The following FAN1 variants were observed in gnomAD, a reference collection of about 807,000 sequenced individuals.
FAN1 encodes fanconi-associated nuclease 1.
FAN1 carries 91 observed loss-of-function variants against 104.9 expected under a neutral mutation model. The observed-to-expected ratio is 0.87, with a 90% CI of 0.73 to 1.03. The LOEUF is 1.03. Among genes scored for constraint, FAN1 ranks in the 50% least tolerant of loss-of-function variants. The probability of loss-of-function intolerance (pLI) is 0.00; values close to 1 mark genes in which losing one functional copy is unlikely to be tolerated. For missense variants in FAN1, 1,263 were observed against 1,239.9 expected, an observed-to-expected ratio of 1.02 and a Z score of -0.28; for synonymous variants, 478 against 457.6, an observed-to-expected ratio of 1.04 and a Z score of -0.57.
At chr15:30,932,300 T>C (rs2140959528) in intron 13 of FAN1, among the ~76,000 whole-genome samples, 1 of 151,810 alleles carries the variant, frequency 6.6e-6, no homozygotes, top group African/African-American at 2.4e-5. Context: ...TGAGAGGAAT[T>C]GGTATCTTAA....
chr15:30,913,360 G>T (rs1215806836), intron 4 of FAN1, among the ~76,000 whole-genome samples: 2 of 152,170 alleles, frequency 1.3e-5, no homozygotes, highest in African/African-American at 4.8e-5. Flanking sequence ...ACTCCTTGGT[G>T]CCAAAAGCGT....
At position 30,905,446 on chromosome 15, in the gene FAN1, G is replaced by C. The variant is rs142437586; in HGVS notation, c.783G>C (p.Ala261=). 1.9e-6 allele frequency: 3 copies of C among 1,613,976 alleles called. No individual in the cohort carries two copies. The highest frequency in any genetic ancestry group is 2.5e-6 in the Non-Finnish European group (3 of 1,179,920). The part of the protein sequence containing the change: ...SALTPGFSDN[A]IMLFSPDFTL... ...TCACCCCTGGATTCTCAGATAATGC[G>C]ATCATGTTATTCTCACCAGATTTCA... The change falls in exon 2 of 15, where the codon GCG becomes GCC. Residue 261 remains alanine (A), a synonymous_variant. Coordinates refer to ENST00000362065, the MANE Select transcript of FAN1 (RefSeq NM_014967.5).
intron 13 of FAN1, among the ~76,000 whole-genome samples, chr15:30,932,208 C>T (rs191726829): frequency 1.1e-3 from 124 of 113,610 alleles, no homozygotes; most frequent in Admixed American, 5.0e-3. Context: ...GGCAACAGAG[C>T]GAGACTCCAT....
Position 30,920,585 on chromosome 15 carries a change from GTTGGGTGGAT to G in FAN1, c.1987_1996del (p.Gly663IlefsTer54), listed in dbSNP as rs751551936. The G allele has an allele frequency of 5.6e-6, 9 of 1,611,868 alleles. No individual in the cohort carries two copies. The East Asian group carries it at 1.8e-4, about 32-fold the overall frequency. On this transcript the variant is annotated frameshift_variant, in exon 7 of 15. Transcript: ENST00000362065. LOFTEE classifies it high-confidence loss of function. ...ACCACTCTTCCTGCGGTGTTTCACT[GTTGGGTGGAT>G]TTATACAAGGATTTTGTCTCGGTTT...
At position 30,942,802 on chromosome 15, in the gene FAN1, G is replaced by A. The variant is rs3512; in HGVS notation, c.*1240G>A. On this transcript the variant is annotated 3_prime_UTR_variant, in exon 15 of 15. Transcript: ENST00000362065. ...CGCATTAGCAGTGTTACTCTTGGAA[G>A]TGCCTTTACTTTTAACGCTCTCTGT... 3.0e-6 allele frequency: 4 copies of A among 1,321,366 alleles called. No homozygotes were observed. In the Admixed American group the frequency reaches 1.1e-4, roughly 35 times the overall value. The allele number at this position is 1,321,366 out of a possible 1,614,324, so 81.9% of individuals were successfully genotyped here. A position where few individuals can be genotyped will look rare whatever the true frequency, so the allele number is the denominator to read the frequency against.
chr15:30,913,761 T>C (rs1566915130), intron 4 of FAN1, 97 bp from the exon 5 acceptor site: 1 of 820,990 alleles, frequency 1.2e-6, no homozygotes, highest in East Asian at 2.6e-5. Context: ...AAATAGTGAA[T>C]GTCATTTCTC....
rs143355524 is a variant in FAN1 at position 30,937,886 on chromosome 15, T to A, written c.*3+627T>A. ...TGATGATTCATCTTTAGGTTTTTTT[T>A]ATAAAAAAGTAGTGGCTGGGCACAG... is the stretch of plus-strand genomic sequence containing the variant. On this transcript the variant is annotated intron_variant, in intron 14 of 14. Coordinates refer to ENST00000362065, the MANE Select transcript of FAN1 (RefSeq NM_014967.5). Among the ~76,000 whole-genome samples the A allele has an allele frequency of 6.6e-3, 1,002 of 152,138 alleles. 12 individuals are homozygous for A. The highest frequency in any genetic ancestry group is 0.02 in the African/African-American group (814 of 41,504).
chr15:30,908,107 C>A lies in FAN1; in HGVS notation c.1235-11C>A. 6.3e-7 allele frequency: 1 copy of A among 1,584,120 alleles called. No individual in the cohort carries two copies. ...CAGTGATTTTCAACATTTTTCTTAA[C>A]TTTATTGCAGCTACTGGTCAGAAGT... On this transcript the variant is annotated splice_polypyrimidine_tract_variant and intron_variant, in intron 2 of 14. Coordinates refer to ENST00000362065, the MANE Select transcript of FAN1 (RefSeq NM_014967.5).
In FAN1 at chr15:30,925,878, G is replaced by T. The variant is rs147978882; in HGVS notation, c.2427G>T (p.Thr809=). The change falls in exon 10 of 15, where the codon ACG becomes ACT. Residue 809 remains threonine (T), a synonymous_variant. Transcript: ENST00000362065. ...CCGGGGAGGCCGCTGACCCCACCAC[G>T]GTCCTGTGCTCTGTGGAGGAGCTGG... ...MEAGEAADPT[T]VLCSVEELAL... is the part of the protein sequence containing the mutation. 1 of 1,614,070 alleles carries T rather than the reference G, an allele frequency of 6.2e-7. No homozygotes were observed. Among genetic ancestry groups the T allele is most frequent in the African/African-American group, 1.3e-5 (1 of 74,944 alleles).
At chr15:30,926,773 C>A (rs764291609) in intron 10 of FAN1, 1 of 985,190 alleles carries the variant, frequency 1.0e-6, no homozygotes, top group African/African-American at 1.7e-5. Flanking sequence ...GACGTGGGAG[C>A]GCTGAAATGC....
chr15:30,937,055 C>A, intron 13 of FAN1, 64 bp from the exon 14 acceptor site: 1 of 1,409,524 alleles, frequency 7.1e-7, no homozygotes, highest in South Asian at 1.3e-5. Flanking sequence ...ACAACTACAA[C>A]TTACTTGAAT....
chr15:30,912,276 G>A (rs551895966), intron 4 of FAN1, among the ~76,000 whole-genome samples: 2 of 152,280 alleles, frequency 1.3e-5, no homozygotes, highest in South Asian at 4.1e-4. Flanking sequence ...GAATTTCAGA[G>A]TCCCTGCCAG....
At chr15:30,920,036 T>C (rs1047445840) in intron 6 of FAN1, among the ~76,000 whole-genome samples, 2 of 152,240 alleles carry the variant, frequency 1.3e-5, no homozygotes, top group African/African-American at 4.8e-5. Context: ...TTTTAGGCTT[T>C]GCAGGCCATA....
intron 9 of FAN1, 94 bp from the exon 10 acceptor site, chr15:30,925,695 G>T (rs753204243): frequency 2.0e-5 from 27 of 1,379,808 alleles, no homozygotes; most frequent in Non-Finnish European, 2.4e-5. Flanking sequence ...CTGACTTTGT[G>T]GTAAGGGAGG....
In FAN1 at chr15:30,942,803, T is replaced by C; in HGVS notation, c.*1241T>C. The C allele has an allele frequency of 7.5e-7, 1 of 1,329,152 alleles. No homozygotes were observed. Among genetic ancestry groups the C allele is most frequent in the Non-Finnish European group, 1.0e-6 (1 of 985,212 alleles). The allele number at this position is 1,329,152 out of a possible 1,614,324, so 82.3% of individuals were successfully genotyped here. On this transcript the variant is annotated 3_prime_UTR_variant, in exon 15 of 15. Transcript: ENST00000362065. Reference sequence around the variant, plus strand: ...GCATTAGCAGTGTTACTCTTGGAAGTGCCTTTACTTTTAACGCTCTCTGTT... The same window carrying C: ...GCATTAGCAGTGTTACTCTTGGAAGCGCCTTTACTTTTAACGCTCTCTGTT...
rs1368854291 is a variant in FAN1 at position 30,943,064 on chromosome 15, A to G, written c.*1502A>G. 7.2e-6 allele frequency: 11 copies of G among 1,527,328 alleles called. 1 individual carries two copies. In the Admixed American group the frequency reaches 1.9e-4, roughly 26 times the overall value. The allele number at this position is 1,527,328 out of a possible 1,614,324, so 94.6% of individuals were successfully genotyped here. ...CACCCAATTGGATGTTTTTGCTTAT[A>G]GCAAATTCCTGCAAAATAAATAAAT... On this transcript the variant is annotated 3_prime_UTR_variant, in exon 15 of 15. Transcript: ENST00000362065.
At position 30,910,828 on chromosome 15, in the gene FAN1, A is replaced by G. The variant is rs375485617; in HGVS notation, c.1577+13A>G. 19 of 1,611,484 alleles carry G rather than the reference A, an allele frequency of 1.2e-5. No individual in the cohort carries two copies. The highest frequency in any genetic ancestry group is 2.2e-5 in the East Asian group (1 of 44,842). ...TGATTTTAAAAAGGTTTTGTTGGCTATTGTTACAGTAAAAACATTTAAAAT... is the reference window on the plus strand; with the variant it reads ...TGATTTTAAAAAGGTTTTGTTGGCTGTTGTTACAGTAAAAACATTTAAAAT... On this transcript the variant is annotated intron_variant, in intron 4 of 14. Coordinates refer to ENST00000362065, the MANE Select transcript of FAN1 (RefSeq NM_014967.5).
At chr15:30,932,823 G>A (rs558200203) in intron 13 of FAN1, among the ~76,000 whole-genome samples, 2 of 148,048 alleles carry the variant, frequency 1.4e-5, no homozygotes, top group African/African-American at 2.5e-5. Context: ...AGTGATTCTC[G>A]TGCCTCAGCC....
Position 30,925,246 on chromosome 15 carries a change from C to A in FAN1, c.2292C>A (p.His764Gln), listed in dbSNP as rs1480063055. The A allele has an allele frequency of 6.2e-7, 1 of 1,614,148 alleles. No individual in the cohort carries two copies. Among genetic ancestry groups the A allele is most frequent in the South Asian group, 1.1e-5 (1 of 91,082 alleles). The change falls in exon 9 of 15, where the codon CAC (histidine) becomes CAA (glutamine). Residue 764 changes from histidine to glutamine, a missense_variant. Physicochemically the swap from His to Gln is conservative, Grantham distance 24. This residue lies in a region of FAN1 where 581 missense variants were observed against 668.8 expected (regional missense o/e 0.87). Transcript: ENST00000362065. ...RESPSCKKFKHLFQQLPEMAV... is the reference protein window; with the variant it reads ...RESPSCKKFKQLFQQLPEMAV... ...CTCCGAGCTGTAAAAAGTTCAAGCA[C>A]CTCTTCCAGCAGCTCCCAGAAATGG...
Sources: allele counts gnomAD v4.1 joint callset (sites outside exome capture counted in the v4.1 genomes callset), GRCh38; gene constraint gnomAD v4.1.1; regional missense constraint gnomAD v4.1.1; transcripts MANE v1.5; gene names NCBI Gene and HGNC (gene_info 2026-07-23, HGNC 2026-07-21).